RSPO2: variants seen among roughly 807,000 people sequenced by gnomAD.
RSPO2 encodes the protein R-spondin 2, also known as R-spondin-2.
Under a neutral mutation model 30.9 loss-of-function variants are expected in RSPO2, and 14 were observed. That is an observed-to-expected ratio of 0.45 (90% confidence interval 0.30 to 0.71). The LOEUF (loss-of-function observed/expected upper bound fraction) is 0.71, where lower values mean the gene tolerates loss of function less well. Ranked by LOEUF, RSPO2 falls within the 30% of genes least tolerant of loss-of-function variation. RSPO2 has a pLI of 0.08. For missense variants in RSPO2, 264 were observed against 301.9 expected (o/e 0.87, Z 0.93); for synonymous variants, 107 against 96.4 (o/e 1.11, Z -0.64).
intron 2 of RSPO2, among the ~76,000 whole-genome samples, chr8:108,058,958 A>G (rs941662636): frequency 6.6e-6 from 1 of 151,730 alleles, no homozygotes; most frequent in African/African-American, 2.4e-5. Flanking sequence ...CATGTCTAAA[A>G]CACCAAAAGC....
At chr8:108,050,555 C>T (rs972693413) in intron 2 of RSPO2, among the ~76,000 whole-genome samples, 5 of 151,562 alleles carry the variant, frequency 3.3e-5, no homozygotes, top group Admixed American at 2.6e-4. Context: ...TGGTTATTTC[C>T]AGTTTAAAAA....
chr8:107,919,792 G>A (rs1214500035), intron 5 of RSPO2, among the ~76,000 whole-genome samples: 9 of 152,152 alleles, frequency 5.9e-5, no homozygotes, highest in Non-Finnish European at 1.5e-5. Flanking sequence ...AATGCTCGGG[G>A]AGACTGGTTT....
chr8:107,931,079 T>C (rs1323657380), intron 5 of RSPO2, among the ~76,000 whole-genome samples: 2 of 152,200 alleles, frequency 1.3e-5, no homozygotes, highest in Admixed American at 1.3e-4. Context: ...AGATTACTGC[T>C]ATAAAAACAT....
intron 2 of RSPO2, among the ~76,000 whole-genome samples, chr8:108,038,732 T>C (rs1303161463): frequency 6.6e-6 from 1 of 151,684 alleles, no homozygotes; most frequent in Non-Finnish European, 1.5e-5. Flanking sequence ...TATGATTCAG[T>C]GAAGGCTCAG....
intron 5 of RSPO2, among the ~76,000 whole-genome samples, chr8:107,949,332 A>G (rs1420967393): frequency 6.6e-6 from 1 of 152,102 alleles, no homozygotes; most frequent in Non-Finnish European, 1.5e-5. Context: ...AAATGCCATT[A>G]TTTCATTCCT....
chr8:107,996,466 T>C (rs1815029833), intron 2 of RSPO2, among the ~76,000 whole-genome samples: 1 of 152,068 alleles, frequency 6.6e-6, no homozygotes, highest in Non-Finnish European at 1.5e-5. Context: ...TATATGCAGA[T>C]TTGAAAAACC....
intron 5 of RSPO2, among the ~76,000 whole-genome samples, chr8:107,949,172 C>A (rs1044093854): frequency 1.3e-5 from 2 of 152,082 alleles, no homozygotes; most frequent in Admixed American, 1.3e-4. Context: ...CCCTTCCCCC[C>A]AAGTCCCCAA....
chr8:107,913,620 T>G (rs752323761), intron 5 of RSPO2, among the ~76,000 whole-genome samples: 1 of 152,158 alleles, frequency 6.6e-6, no homozygotes, highest in South Asian at 2.1e-4. Flanking sequence ...ACAGCACATT[T>G]CCAAGGTTGT....
At chr8:108,001,640 T>C (rs755633571) in intron 2 of RSPO2, among the ~76,000 whole-genome samples, 9 of 151,986 alleles carry the variant, frequency 5.9e-5, no homozygotes, top group Non-Finnish European at 8.8e-5. Context: ...AAGTAAAACA[T>C]AGGATGGTTG....
intron 5 of RSPO2, among the ~76,000 whole-genome samples, chr8:107,912,388 G>T (rs1055922032): frequency 2.0e-5 from 3 of 152,220 alleles, no homozygotes; most frequent in Non-Finnish European, 4.4e-5. Context: ...CCTTCCCTGG[G>T]ATCTATTTGT....
At position 107,901,193 on chromosome 8, in the gene RSPO2, G is replaced by A. The variant is rs766922661; in HGVS notation, c.617-3C>T. The A allele has an allele frequency of 4.2e-5, 67 of 1,608,208 alleles. No homozygotes were observed. The highest frequency in any genetic ancestry group is 5.6e-5 in the Non-Finnish European group (66 of 1,178,032). On this transcript the variant is annotated splice_polypyrimidine_tract_variant and splice_region_variant and intron_variant, in intron 5 of 5. Coordinates refer to ENST00000276659, the MANE Select transcript of RSPO2 (RefSeq NM_178565.5). ...CTTCGCCTTTGGTGTTCTCTTCCCT[G>A]CAATGAAGGAAAGAAAAGAAGAGAT...
intron 4 of RSPO2, 72 bp from the exon 5 acceptor site, chr8:107,958,340 T>C: frequency 7.9e-7 from 1 of 1,262,024 alleles, no homozygotes; most frequent in East Asian, 2.4e-5. Flanking sequence ...TTCACTGTCA[T>C]CAAATTTACA....
rs140125293 is a variant in RSPO2, at chr8:107,958,242, C to T, written c.454G>A (p.Glu152Lys). ...VEGCEVGHWSEWGTCSRNNRT... is the reference protein window; with the variant it reads ...VEGCEVGHWSKWGTCSRNNRT... ...TTATTTCTGCTACAAGTTCCCCATTCGCTCCAATGACCAACTTCACATCCT... is the reference window on the plus strand; with the variant it reads ...TTATTTCTGCTACAAGTTCCCCATTTGCTCCAATGACCAACTTCACATCCT... The change falls in exon 5 of 6, where the codon GAA becomes AAA. Residue 152 changes from glutamate (E) to lysine (K), a missense_variant. Coordinates refer to ENST00000276659, the MANE Select transcript of RSPO2 (RefSeq NM_178565.5). The T allele has an allele frequency of 2.6e-5, 42 of 1,613,480 alleles. No homozygotes were observed. The highest frequency in any genetic ancestry group is 8.9e-5 in the East Asian group (4 of 44,868).
intron 2 of RSPO2, among the ~76,000 whole-genome samples, chr8:108,075,156 G>T (rs185621389): frequency 1.3e-4 from 20 of 152,022 alleles, no homozygotes; most frequent in Admixed American, 1.2e-3. Context: ...ATCCTTTATT[G>T]CCCTTTTCTA....
chr8:108,051,192 T>C (rs759248789), intron 2 of RSPO2, among the ~76,000 whole-genome samples: 2 of 152,186 alleles, frequency 1.3e-5, no homozygotes, highest in African/African-American at 2.4e-5. Flanking sequence ...TAAAAGTAGT[T>C]GACTTTTTAA....
intron 2 of RSPO2, among the ~76,000 whole-genome samples, chr8:108,020,776 A>G (rs1287578172): frequency 6.6e-6 from 1 of 152,158 alleles, no homozygotes; most frequent in African/African-American, 2.4e-5. Flanking sequence ...CTGATACTCT[A>G]ATCACTTATA....
At chr8:107,922,188 A>C in intron 5 of RSPO2, among the ~76,000 whole-genome samples, 1 of 150,596 alleles carries the variant, frequency 6.6e-6, no homozygotes, top group South Asian at 2.2e-4. Context: ...ACATGATTCT[A>C]TACCTAGAAA....
At chr8:107,921,135 G>A (rs547363806) in intron 5 of RSPO2, among the ~76,000 whole-genome samples, 226 of 152,058 alleles carry the variant, frequency 1.5e-3, no homozygotes, top group Middle Eastern at 6.8e-3. Flanking sequence ...TTTTTGGTGG[G>A]TACATTATAC....
chr8:108,072,574 G>A (rs930308747), intron 2 of RSPO2, among the ~76,000 whole-genome samples: 6 of 147,476 alleles, frequency 4.1e-5, no homozygotes, highest in Non-Finnish European at 7.4e-5. Context: ...TCCTGACCTC[G>A]TGATCCGCCC....
Sources: gnomAD v4.1 joint callset for allele counts (sites outside exome capture counted in the v4.1 genomes callset) on GRCh38, gnomAD v4.1.1 for gene constraint, MANE v1.5 for transcripts, NCBI Gene and HGNC (gene_info 2026-07-23, HGNC 2026-07-21) for gene names.